DACH1: variants seen among roughly 807,000 people sequenced by gnomAD.
DACH1 encodes dachshund homolog 1.
DACH1 carries 12 observed loss-of-function variants against 54.2 expected under a neutral mutation model. That is an observed-to-expected ratio of 0.22 (90% CI 0.14 to 0.36). The LOEUF (loss-of-function observed/expected upper bound fraction) is 0.36, where lower values mean the gene tolerates loss of function less well. Ranked by LOEUF, DACH1 falls within the 10% of genes least tolerant of loss-of-function variation. DACH1 has a pLI of 1.00. For synonymous variants in DACH1, 386 were observed against 366.2 expected (o/e 1.05, Z -0.62); for missense variants, 805 against 929.8 (o/e 0.87, Z 1.75).
chr13:71,862,256 C>G (rs1447724859), intron 1 of DACH1, among the ~76,000 whole-genome samples: 1 of 151,888 alleles, frequency 6.6e-6, no homozygotes, highest in Non-Finnish European at 1.5e-5. Context: ...TTTTTTAAAA[C>G]CTGAATTCGT....
chr13:71,573,539 C>T (rs900004330), intron 3 of DACH1: 4 of 650,164 alleles, frequency 6.2e-6, no homozygotes, highest in African/African-American at 3.8e-5. Flanking sequence ...GGGAAGAGGG[C>T]AGTGTTTCCT....
chr13:71,642,955 G>A (rs1231779304), intron 2 of DACH1, among the ~76,000 whole-genome samples: 1 of 151,978 alleles, frequency 6.6e-6, no homozygotes. Context: ...AACCTGGGAG[G>A]CAGAGGTTGC....
intron 10 of DACH1, among the ~76,000 whole-genome samples, chr13:71,456,191 A>T (rs953602451): frequency 1.3e-5 from 2 of 152,118 alleles, no homozygotes; most frequent in African/African-American, 4.8e-5. Flanking sequence ...AAACTTCTTT[A>T]ATATAATTTC....
At chr13:71,656,998 A>T (rs2138640767) in intron 2 of DACH1, among the ~76,000 whole-genome samples, 1 of 134,634 alleles carries the variant, frequency 7.4e-6, no homozygotes, top group South Asian at 2.3e-4. Context: ...GTGTACAGGT[A>T]TGTGTATATA....
chr13:71,571,730 CT>C (rs756352766), intron 4 of DACH1, among the ~76,000 whole-genome samples: 2,498 of 134,950 alleles, frequency 0.019, 42 homozygotes, highest in African/African-American at 0.049. Context: ...GTAACAGGGC[CT>C]TTTTTTTTTT....
chr13:71,814,377 A>G (rs376960585), intron 1 of DACH1, among the ~76,000 whole-genome samples: 66 of 152,378 alleles, frequency 4.3e-4, no homozygotes, highest in African/African-American at 1.5e-3. Flanking sequence ...CTTCCTTCAC[A>G]TAATTTACTA....
At chr13:71,767,738 G>A (rs888476120) in intron 1 of DACH1, among the ~76,000 whole-genome samples, 1 of 152,014 alleles carries the variant, frequency 6.6e-6, no homozygotes, top group Non-Finnish European at 1.5e-5. Flanking sequence ...GGTATGAAAT[G>A]TTTTAGCTTG....
At chr13:71,840,599 T>G (rs1477362950) in intron 1 of DACH1, among the ~76,000 whole-genome samples, 1 of 152,208 alleles carries the variant, frequency 6.6e-6, no homozygotes, top group African/African-American at 2.4e-5. Flanking sequence ...TTATGTCTGC[T>G]TATTTTGCTT....
intron 1 of DACH1, among the ~76,000 whole-genome samples, chr13:71,806,489 C>A (rs1028894014): frequency 2.0e-5 from 3 of 152,054 alleles, no homozygotes; most frequent in Admixed American, 1.3e-4. Flanking sequence ...AAATTGTATT[C>A]TATTTTTAAA....
At chr13:71,509,186 G>A (rs1880568267) in intron 6 of DACH1, among the ~76,000 whole-genome samples, 1 of 152,034 alleles carries the variant, frequency 6.6e-6, no homozygotes, top group Admixed American at 6.6e-5. Context: ...ATTATAAACT[G>A]AATTCTCAAA....
intron 1 of DACH1, among the ~76,000 whole-genome samples, chr13:71,737,023 G>T (rs1884159383): frequency 6.6e-6 from 1 of 152,148 alleles, no homozygotes; most frequent in South Asian, 2.1e-4. Flanking sequence ...GGCTGAGGTG[G>T]GCGGATGACT....
At chr13:71,572,799 A>AGTTCT in intron 4 of DACH1, 41 bp downstream of exon 4, 1 of 1,580,506 alleles carries the variant, frequency 6.3e-7, no homozygotes, top group Non-Finnish European at 8.6e-7. Context: ...ATGGTGGCTT[A>AGTTCT]AGATGAACAT....
At chr13:71,573,557 G>A in intron 3 of DACH1, 1 of 599,134 alleles carries the variant, frequency 1.7e-6, no homozygotes, top group East Asian at 3.1e-5. Flanking sequence ...CCTTATCCCA[G>A]GAACCATCAC....
intron 2 of DACH1, among the ~76,000 whole-genome samples, chr13:71,633,667 A>C (rs1477730511): frequency 6.6e-6 from 1 of 152,072 alleles, no homozygotes; most frequent in East Asian, 1.9e-4. Flanking sequence ...ACTTTTTAAT[A>C]TTCTACTTTT....
At chr13:71,802,145 G>T (rs1470677700) in intron 1 of DACH1, among the ~76,000 whole-genome samples, 1 of 152,034 alleles carries the variant, frequency 6.6e-6, no homozygotes, top group Non-Finnish European at 1.5e-5. Flanking sequence ...CCCTAATCAA[G>T]TGGCCAGAGC....
intron 1 of DACH1, among the ~76,000 whole-genome samples, chr13:71,778,189 A>C (rs562232930): frequency 6.6e-6 from 1 of 152,034 alleles, no homozygotes; most frequent in South Asian, 2.1e-4. Context: ...TAAGCTAGTT[A>C]TTTCTCTCAA....
intron 1 of DACH1, among the ~76,000 whole-genome samples, chr13:71,705,418 C>A (rs1158606150): frequency 2.0e-5 from 3 of 152,152 alleles, no homozygotes; most frequent in Non-Finnish European, 2.9e-5. Context: ...AACTAACAAA[C>A]CTGTCTGCAA....
intron 6 of DACH1, among the ~76,000 whole-genome samples, chr13:71,532,093 T>A (rs1489134582): frequency 6.6e-6 from 1 of 151,956 alleles, no homozygotes; most frequent in Non-Finnish European, 1.5e-5. Context: ...GAACTACTTT[T>A]TCTAAGGTCT....
intron 1 of DACH1, among the ~76,000 whole-genome samples, chr13:71,688,468 G>A (rs111757876): frequency 1.3e-5 from 2 of 152,074 alleles, no homozygotes. Flanking sequence ...GTAAAGCTTT[G>A]AGGGATACAC....
Sources: gnomAD v4.1 joint callset for allele counts (sites outside exome capture counted in the v4.1 genomes callset) on GRCh38, gnomAD v4.1.1 for gene constraint, MANE v1.5 for transcripts, NCBI Gene and HGNC (gene_info 2026-07-23, HGNC 2026-07-21) for gene names.